GDAP2: variants seen among roughly 807,000 people sequenced by gnomAD.
GDAP2 encodes the protein ganglioside-induced differentiation-associated protein 2.
Under a neutral mutation model 67.0 loss-of-function variants are expected in GDAP2, and 51 were observed. That is an observed-to-expected ratio of 0.76 (90% confidence interval 0.61 to 0.96). The LOEUF (loss-of-function observed/expected upper bound fraction) is 0.96. Ranked by LOEUF, GDAP2 falls within the 40% of genes least tolerant of loss-of-function variation. The probability of loss-of-function intolerance (pLI) is 0.00; values close to 1 mark genes in which losing one functional copy is unlikely to be tolerated. For synonymous variants in GDAP2, 203 were observed against 207.3 expected, an observed-to-expected ratio of 0.98 and a Z score of 0.18; for missense variants, 547 against 588.3, an observed-to-expected ratio of 0.93 and a Z score of 0.73.
chr1:117,898,774 A>G (rs1649346778), intron 7 of GDAP2, among the ~76,000 whole-genome samples: 1 of 152,312 alleles, frequency 6.6e-6, no homozygotes, highest in East Asian at 1.9e-4. Flanking sequence ...TACTATCTCA[A>G]CAGTGTTCTG....
At position 117,887,757 on chromosome 1, in the gene GDAP2, C is replaced by T; in HGVS notation, c.971G>A (p.Cys324Tyr). 6.4e-7 allele frequency: 1 copy of T among 1,567,694 alleles called. No homozygotes were observed. Among genetic ancestry groups the T allele is most frequent in the Non-Finnish European group, 8.8e-7 (1 of 1,138,542 alleles). ...AGACAGATCCTCAGATCTTGCTTGA[C>T]ATAACCAGCGATTATAACTAGGGAA... ...QHQRNYNRWLCQARSEDLSDI... is the reference protein window; with the variant it reads ...QHQRNYNRWLYQARSEDLSDI... Residue 324 changes from cysteine to tyrosine, a missense_variant, in exon 9 of 14, where the codon TGT (cysteine) becomes TAT (tyrosine). Transcript: ENST00000369443.
intron 6 of GDAP2, 103 bp downstream of exon 6, chr1:117,906,403 A>C: frequency 3.0e-6 from 2 of 670,360 alleles, no homozygotes; most frequent in Non-Finnish European, 5.3e-6. Flanking sequence ...ATAGATCATT[A>C]GGATTTGTCT....
At chr1:117,918,793 T>C in intron 2 of GDAP2, 57 bp from the exon 3 acceptor site, 1 of 1,314,596 alleles carries the variant, frequency 7.6e-7, no homozygotes, top group South Asian at 1.3e-5. Flanking sequence ...AGAAACCTAG[T>C]TTCTAATTAT....
intron 8 of GDAP2, among the ~76,000 whole-genome samples, chr1:117,890,500 C>G (rs1196108630): frequency 1.3e-5 from 2 of 151,950 alleles, no homozygotes. Context: ...TGGAATACAT[C>G]ATCTTTAATT....
At chr1:117,889,209 A>T (rs1648974662) in intron 8 of GDAP2, among the ~76,000 whole-genome samples, 1 of 152,132 alleles carries the variant, frequency 6.6e-6, no homozygotes, top group Non-Finnish European at 1.5e-5. Flanking sequence ...TACTTAAAAA[A>T]TTATTTTCTT....
intron 1 of GDAP2, among the ~76,000 whole-genome samples, chr1:117,926,893 C>T (rs753044089): frequency 4.6e-5 from 7 of 152,052 alleles, no homozygotes; most frequent in Non-Finnish European, 1.0e-4. Flanking sequence ...AATCTATAGC[C>T]ACAGCCAGAA....
chr1:117,878,947 A>G (rs1648559823), intron 12 of GDAP2, among the ~76,000 whole-genome samples: 1 of 152,208 alleles, frequency 6.6e-6, no homozygotes, highest in South Asian at 2.1e-4. Flanking sequence ...CTTACAGAAG[A>G]AGGTAACGTA....
At position 117,870,503 on chromosome 1, in the gene GDAP2, T is replaced by C; in HGVS notation, c.*66A>G. 1.0e-6 allele frequency: 1 copy of C among 966,930 alleles called. No homozygotes were observed. Among genetic ancestry groups the C allele is most frequent in the Non-Finnish European group, 1.7e-6 (1 of 589,142 alleles). The allele number at this position is 966,930 out of a possible 1,614,324, so 59.9% of individuals were successfully genotyped here. ...CTGTACAGCAACAATGAATATCACT[T>C]CAACAGGTAGCTATTCGTGGAGGAA... On this transcript the variant is annotated 3_prime_UTR_variant, in exon 14 of 14. Transcript: ENST00000369443.
In GDAP2 at chr1:117,919,931, A is replaced by T. The variant is rs142130276; in HGVS notation, c.176+251T>A. ...AGGAATTACAAAGGAACAGAAAAAA[A>T]AACTTTTGGAGGTGACAGGTATATT... On this transcript the variant is annotated intron_variant, in intron 2 of 13. Coordinates refer to ENST00000369443, the MANE Select transcript of GDAP2 (RefSeq NM_017686.4). Among the ~76,000 whole-genome samples the T allele has an allele frequency of 2.8e-3, 420 of 152,278 alleles. 1 individual carries two copies. The highest frequency in any genetic ancestry group is 9.9e-3 in the African/African-American group (412 of 41,554).
chr1:117,872,255 G>T (rs923761316), intron 13 of GDAP2, among the ~76,000 whole-genome samples: 1 of 152,142 alleles, frequency 6.6e-6, no homozygotes, highest in African/African-American at 2.4e-5. Flanking sequence ...ATGTAAATTA[G>T]TTCAACCACT....
At chr1:117,915,485 G>C (rs527795322) in intron 3 of GDAP2, among the ~76,000 whole-genome samples, 21 of 152,258 alleles carry the variant, frequency 1.4e-4, no homozygotes, top group African/African-American at 4.6e-4. Context: ...TTTTGGATCA[G>C]CTGGAAATTT....
chr1:117,886,542 C>T (rs1289937224), intron 10 of GDAP2, 35 bp downstream of exon 10: 1 of 1,080,840 alleles, frequency 9.3e-7, no homozygotes, highest in Non-Finnish European at 1.4e-6. Flanking sequence ...TTTCAATCAA[C>T]ATTGTTTGTA....
At chr1:117,902,532 A>G (rs1237369529) in intron 6 of GDAP2, among the ~76,000 whole-genome samples, 3 of 152,212 alleles carry the variant, frequency 2.0e-5, no homozygotes, top group Non-Finnish European at 2.9e-5. Context: ...GATATCCAGT[A>G]GTCCCAATAC....
chr1:117,886,134 T>C (rs992317511), intron 10 of GDAP2, among the ~76,000 whole-genome samples: 1 of 152,214 alleles, frequency 6.6e-6, no homozygotes, highest in African/African-American at 2.4e-5. Flanking sequence ...TTTTCTTTTA[T>C]GAATCATCTA....
intron 8 of GDAP2, among the ~76,000 whole-genome samples, chr1:117,896,387 T>C (rs1383609943): frequency 6.6e-6 from 1 of 152,250 alleles, no homozygotes; most frequent in Non-Finnish European, 1.5e-5. Flanking sequence ...AGAAATGGAA[T>C]GGTTTGGATG....
intron 6 of GDAP2, among the ~76,000 whole-genome samples, chr1:117,902,921 GTTT>G (rs1360707615): frequency 2.6e-5 from 4 of 152,044 alleles, no homozygotes; most frequent in Non-Finnish European, 5.9e-5. Context: ...ATTTATTTGT[GTTT>G]TTAACATTTT....
chr1:117,876,481 G>A (rs1648459435), intron 13 of GDAP2, among the ~76,000 whole-genome samples: 1 of 152,072 alleles, frequency 6.6e-6, no homozygotes, highest in African/African-American at 2.4e-5. Context: ...CAAAGAAATG[G>A]ACTAAGAAAC....
chr1:117,892,593 T>C (rs1468927891), intron 8 of GDAP2, among the ~76,000 whole-genome samples: 1 of 152,146 alleles, frequency 6.6e-6, no homozygotes, highest in Non-Finnish European at 1.5e-5. Context: ...TAAATAATCG[T>C]ACAAAATATG....
At chr1:117,895,073 A>G (rs1184228215) in intron 8 of GDAP2, among the ~76,000 whole-genome samples, 1 of 152,176 alleles carries the variant, frequency 6.6e-6, no homozygotes, top group Non-Finnish European at 1.5e-5. Context: ...ATACATTCCT[A>G]TTATAAAATC....
Sources: gnomAD v4.1 joint callset for allele counts (sites outside exome capture counted in the v4.1 genomes callset) on GRCh38, gnomAD v4.1.1 for gene constraint, MANE v1.5 for transcripts, NCBI Gene and HGNC (gene_info 2026-07-23, HGNC 2026-07-21) for gene names.